NCAM2: variants seen among roughly 807,000 people sequenced by gnomAD.
The protein encoded by NCAM2 is neural cell adhesion molecule 2, also known as N-CAM-2.
Under a neutral mutation model 98.1 loss-of-function variants are expected in NCAM2, and 30 were observed. The ratio of observed to expected loss-of-function variants is 0.31; its 90% CI spans 0.23 to 0.41. NCAM2 has a LOEUF of 0.41. NCAM2 is among the 10% of genes least tolerant of loss of function. NCAM2 has a pLI of 1.00. For missense variants in NCAM2, 867 were observed against 1,005.8 expected (o/e 0.86, Z 1.87); for synonymous variants, 368 against 342.4 (o/e 1.07, Z -0.83).
chr21:21,450,609 C>T (rs1602377921), intron 12 of NCAM2, among the ~76,000 whole-genome samples: 1 of 152,084 alleles, frequency 6.6e-6, no homozygotes. Context: ...GGATTATAGG[C>T]ATGAGCCACT....
At chr21:21,022,599 A>G (rs1050798972) in intron 1 of NCAM2, among the ~76,000 whole-genome samples, 2 of 152,136 alleles carry the variant, frequency 1.3e-5, no homozygotes, top group Admixed American at 1.3e-4. Context: ...ATTCTTTGTG[A>G]CCACCCTCTG....
chr21:21,341,649 T>C (rs566893281), intron 8 of NCAM2, among the ~76,000 whole-genome samples: 2 of 151,744 alleles, frequency 1.3e-5, no homozygotes, highest in African/African-American at 4.8e-5. Context: ...GCAATGTATT[T>C]AGCAAATATG....
At chr21:21,052,969 TCTC>T (rs1174262167) in intron 1 of NCAM2, among the ~76,000 whole-genome samples, 2 of 152,144 alleles carry the variant, frequency 1.3e-5, no homozygotes, top group Non-Finnish European at 2.9e-5. Flanking sequence ...GCTTGCTTAT[TCTC>T]CTTACCATTT....
chr21:21,432,294 T>A lies in NCAM2; in HGVS notation c.1654+13T>A, dbSNP rs753531039. ...CATGGAGTTCAAAGTGAGTCAACAA[T>A]TTCAAAATGTGTTGGTTAATTCAAG... On this transcript the variant is annotated intron_variant, in intron 12 of 17. Coordinates refer to ENST00000400546, the MANE Select transcript of NCAM2 (RefSeq NM_004540.5). 1 of 1,610,466 alleles carries A rather than the reference T, an allele frequency of 6.2e-7. No homozygotes were observed. Among genetic ancestry groups the A allele is most frequent in the South Asian group, 1.1e-5 (1 of 90,878 alleles).
chr21:21,072,070 G>A lies in NCAM2; in HGVS notation c.55+73452G>A, dbSNP rs1438812094. Among the ~76,000 whole-genome samples, 25 of 152,046 alleles carry A rather than the reference G, an allele frequency of 1.6e-4. No individual in the cohort carries two copies. In the Middle Eastern group the frequency reaches 0.01, roughly 62 times the overall value. On this transcript the variant is annotated intron_variant, in intron 1 of 17. Coordinates refer to ENST00000400546, the MANE Select transcript of NCAM2 (RefSeq NM_004540.5). ...TGGGACTACAGGCACCCGCCACCAC[G>A]CCTGGCTAATTTTTTGTATTTTTAG...
At chr21:21,191,104 T>G (rs527982492) in intron 1 of NCAM2, among the ~76,000 whole-genome samples, 1 of 152,282 alleles carries the variant, frequency 6.6e-6, no homozygotes, top group East Asian at 1.9e-4. Flanking sequence ...TGAGGGAAAC[T>G]GTCAGGAGGT....
chr21:21,267,117 A>G (rs1301030841), intron 1 of NCAM2, among the ~76,000 whole-genome samples: 1 of 152,154 alleles, frequency 6.6e-6, no homozygotes, highest in Non-Finnish European at 1.5e-5. Context: ...TCATACTTCC[A>G]TGTGACCAAA....
At chr21:21,146,546 G>GATATATATATATATATATAT (rs201917811) in intron 1 of NCAM2, among the ~76,000 whole-genome samples, 4 of 50,382 alleles carry the variant, frequency 7.9e-5, no homozygotes, top group Admixed American at 2.2e-4. Flanking sequence ...ATACTTACAG[G>GATATATATATATATATATAT]ATATATATAT....
In NCAM2 at chr21:21,236,365, G is replaced by A. The variant is rs534452378; in HGVS notation, c.56-44213G>A. ...CACAACCATCAATAAATATTTTTAAGTTAATAAACTAAAAGAAAGTTATGT... is the reference window on the plus strand; with the variant it reads ...CACAACCATCAATAAATATTTTTAAATTAATAAACTAAAAGAAAGTTATGT... On this transcript the variant is annotated intron_variant, in intron 1 of 17. Coordinates refer to ENST00000400546, the MANE Select transcript of NCAM2 (RefSeq NM_004540.5). 4.6e-5 allele frequency among the ~76,000 whole-genome samples: 7 copies of A among 152,122 alleles called. 1 individual carries two copies. The South Asian group carries it at 1.5e-3, about 32-fold the overall frequency.
intron 5 of NCAM2, among the ~76,000 whole-genome samples, chr21:21,300,189 A>G (rs1338793311): frequency 6.6e-6 from 1 of 152,014 alleles, no homozygotes; most frequent in Non-Finnish European, 1.5e-5. Flanking sequence ...GCAGCCAGAA[A>G]AAGAATGCAA....
intron 6 of NCAM2, among the ~76,000 whole-genome samples, chr21:21,330,636 T>C (rs1467912836): frequency 2.6e-5 from 4 of 152,114 alleles, no homozygotes; most frequent in Non-Finnish European, 5.9e-5. Context: ...TATATTTTTT[T>C]GTAACGATTC....
In NCAM2 at chr21:21,440,933, A is replaced by G. The variant is rs1216640744; in HGVS notation, c.1654+8652A>G. On this transcript the variant is annotated intron_variant, in intron 12 of 17. Coordinates refer to ENST00000400546, the MANE Select transcript of NCAM2 (RefSeq NM_004540.5). ...AATTTTTAGGTAGAAATATAAGTCA[A>G]GTTAACAATCAAACTCATTTGATTG... Among the ~76,000 whole-genome samples, 8 of 152,290 alleles carry G rather than the reference A, an allele frequency of 5.3e-5. No homozygotes were observed. In the East Asian group the frequency reaches 1.5e-3, roughly 29 times the overall value.
intron 9 of NCAM2, among the ~76,000 whole-genome samples, chr21:21,404,431 T>G (rs967057645): frequency 1.3e-5 from 2 of 152,136 alleles, no homozygotes; most frequent in East Asian, 3.9e-4. Context: ...TTTCCCCTTT[T>G]GCTTGGCTCT....
chr21:21,087,671 G>A (rs1422838874), intron 1 of NCAM2, among the ~76,000 whole-genome samples: 1 of 152,146 alleles, frequency 6.6e-6, no homozygotes, highest in African/African-American at 2.4e-5. Flanking sequence ...ATAGCACTCT[G>A]GGTCACAGAC....
intron 15 of NCAM2, among the ~76,000 whole-genome samples, chr21:21,481,537 T>G (rs1602468684): frequency 6.6e-6 from 1 of 152,160 alleles, no homozygotes; most frequent in South Asian, 2.1e-4. Flanking sequence ...TTAGGGAGTT[T>G]AGACTCCATA....
At chr21:21,211,661 A>G (rs1056079461) in intron 1 of NCAM2, among the ~76,000 whole-genome samples, 1 of 152,250 alleles carries the variant, frequency 6.6e-6, no homozygotes, top group Non-Finnish European at 1.5e-5. Flanking sequence ...CACGTTTTCC[A>G]AAAGAACAGC....
chr21:21,478,132 G>A (rs1198350714), intron 15 of NCAM2, among the ~76,000 whole-genome samples: 1 of 152,022 alleles, frequency 6.6e-6, no homozygotes, highest in Non-Finnish European at 1.5e-5. Context: ...CTTTTATTCA[G>A]ATAAATGCTC....
chr21:21,474,528 G>T (rs2155801), intron 14 of NCAM2, among the ~76,000 whole-genome samples: 2 of 151,464 alleles, frequency 1.3e-5, no homozygotes, highest in African/African-American at 4.9e-5. Context: ...GGTAATTAAG[G>T]TCTCATTTTT....
intron 1 of NCAM2, among the ~76,000 whole-genome samples, chr21:21,179,995 A>C (rs572364622): frequency 6.1e-4 from 93 of 152,332 alleles, no homozygotes; most frequent in African/African-American, 2.2e-3. Flanking sequence ...GACAGTCCCA[A>C]ATGGCCTCCC....
Sources: allele counts gnomAD v4.1 joint callset (sites outside exome capture counted in the v4.1 genomes callset), GRCh38; gene constraint gnomAD v4.1.1; transcripts MANE v1.5; gene names NCBI Gene and HGNC (gene_info 2026-07-23, HGNC 2026-07-21).